Variants in N4BP1 observed in about 807,000 individuals in gnomAD.
The protein encoded by N4BP1 is NEDD4 binding protein 1, also known as NEDD4-binding protein 1.
Under a neutral mutation model 70.9 loss-of-function variants are expected in N4BP1, and 21 were observed. That is an observed-to-expected ratio of 0.30 (90% CI 0.21 to 0.43). The LOEUF (loss-of-function observed/expected upper bound fraction) is 0.43, where lower values mean the gene tolerates loss of function less well. Ranked by LOEUF, N4BP1 falls within the 20% of genes least tolerant of loss-of-function variation. The pLI, the probability that N4BP1 is intolerant of heterozygous loss-of-function variation, is 1.00. For synonymous variants in N4BP1, 387 were observed against 394.6 expected (o/e 0.98, Z 0.23); for missense variants, 936 against 1,069.4 (o/e 0.88, Z 1.74).
rs557515338 is a variant in N4BP1, at chr16:48,585,238, AT to A, written c.199-22795del. Among the ~76,000 whole-genome samples the A allele has an allele frequency of 3.6e-4, 54 of 149,222 alleles. No homozygotes were observed. In the South Asian group the frequency reaches 7.2e-3, roughly 20 times the overall value. On this transcript the variant is annotated intron_variant, in intron 1 of 6. Transcript: ENST00000262384. ...GTGAGTCACGTCACTCGGCCTACAC[AT>A]TTTTTTTTTAAATGTTTTTCTCACA...
In N4BP1 at chr16:48,562,451, A is replaced by G. The variant is rs1963876367; in HGVS notation, c.199-7T>C. ...AGATTCCTTTAATATATTCCTGTAA[A>G]GAGAAAATAAGAAATTAGGTCAATT... On this transcript the variant is annotated splice_polypyrimidine_tract_variant and splice_region_variant and intron_variant, in intron 1 of 6. Transcript: ENST00000262384. 2.5e-6 allele frequency: 4 copies of G among 1,571,362 alleles called. No homozygotes were observed. Among genetic ancestry groups the G allele is most frequent in the Non-Finnish European group, 3.4e-6 (4 of 1,163,040 alleles).
chr16:48,571,617 A>G (rs909784165), intron 1 of N4BP1, among the ~76,000 whole-genome samples: 1 of 152,198 alleles, frequency 6.6e-6, no homozygotes, highest in African/African-American at 2.4e-5. Flanking sequence ...AGGAATCAGG[A>G]TGCTAAAAGA....
intron 4 of N4BP1, 133 bp from the exon 5 acceptor site, chr16:48,548,247 AG>A (rs1393438285): frequency 1.8e-5 from 11 of 621,058 alleles, no homozygotes. Context: ...GCCACAGAAA[AG>A]TTTAGCCCCT....
chr16:48,564,659 C>T (rs538534929), intron 1 of N4BP1, among the ~76,000 whole-genome samples: 4 of 152,218 alleles, frequency 2.6e-5, no homozygotes, highest in Middle Eastern at 6.8e-3. Flanking sequence ...TCTTCCCATA[C>T]ACATTTTAGA....
rs1278811199 is a variant in N4BP1 at position 48,561,359 on chromosome 16, C to G, written c.1284G>C (p.Lys428Asn). The change falls in exon 2 of 7, where the codon AAG becomes AAC. Residue 428 changes from lysine (K) to asparagine (N), a missense_variant. Around this residue, in one of 4 missense-constraint regions of N4BP1, gnomAD observed 515 missense variants for 491.7 expected, o/e 1.05. Transcript: ENST00000262384. ...TTTGCTGTGTGTGAGCCTGTGTTTT[C>G]TTTGGAGTGGAATCAGTTGTAAGCT... ...TNELTTDSTP[K>N]KTQAHTQQNM... 6.2e-7 allele frequency: 1 copy of G among 1,613,870 alleles called. No homozygotes were observed. Among genetic ancestry groups the G allele is most frequent in the Admixed American group, 1.7e-5 (1 of 59,992 alleles).
intron 1 of N4BP1, chr16:48,600,682 A>G (rs1288378624): frequency 3.1e-5 from 14 of 448,020 alleles, no homozygotes; most frequent in South Asian, 9.5e-5. Context: ...TTTTATGTAC[A>G]TTTGAAAATG....
chr16:48,608,302 C>A (rs995549218), intron 1 of N4BP1, among the ~76,000 whole-genome samples: 6 of 152,118 alleles, frequency 3.9e-5, no homozygotes, highest in African/African-American at 1.4e-4. Flanking sequence ...CGCGCCCGGC[C>A]TACAATGTTT....
intron 2 of N4BP1, among the ~76,000 whole-genome samples, chr16:48,556,601 A>G (rs1297083032): frequency 4.6e-5 from 7 of 152,208 alleles, no homozygotes; most frequent in Admixed American, 2.6e-4. Context: ...CTGCTTCCAT[A>G]TAATTGGTTA....
At chr16:48,602,006 C>T (rs906770795) in intron 1 of N4BP1, among the ~76,000 whole-genome samples, 5 of 152,134 alleles carry the variant, frequency 3.3e-5, no homozygotes, top group South Asian at 2.1e-4. Flanking sequence ...GCAGATCACT[C>T]GAGGTCAGGA....
intron 6 of N4BP1, among the ~76,000 whole-genome samples, chr16:48,545,855 G>A (rs1597089604): frequency 6.6e-6 from 1 of 151,926 alleles, no homozygotes; most frequent in East Asian, 1.9e-4. Context: ...GTAAGACCCT[G>A]TCTCTACTAA....
At chr16:48,575,840 A>G (rs754177200) in intron 1 of N4BP1, among the ~76,000 whole-genome samples, 4 of 152,174 alleles carry the variant, frequency 2.6e-5, no homozygotes, top group Non-Finnish European at 4.4e-5. Context: ...ACCAGCTACC[A>G]TGGGGGTAGG....
At chr16:48,548,150 G>A (rs1196552436) in intron 4 of N4BP1, 36 bp from the exon 5 acceptor site, 1 of 1,181,916 alleles carries the variant, frequency 8.5e-7, no homozygotes, top group East Asian at 2.3e-5. Flanking sequence ...ATCAGCAACA[G>A]GCATCCTTGG....
intron 1 of N4BP1, among the ~76,000 whole-genome samples, chr16:48,606,333 C>G (rs750769102): frequency 3.4e-4 from 52 of 152,312 alleles, no homozygotes; most frequent in South Asian, 8.3e-4. Flanking sequence ...CACTGTTGGT[C>G]TTCTGTTTCA....
intron 5 of N4BP1, 30 bp from the exon 6 acceptor site, chr16:48,546,284 G>T: frequency 2.7e-6 from 4 of 1,502,458 alleles, no homozygotes; most frequent in Non-Finnish European, 3.6e-6. Context: ...GAGGCTGAGA[G>T]ACAGGGTCCT....
At chr16:48,580,993 G>A (rs1030392080) in intron 1 of N4BP1, among the ~76,000 whole-genome samples, 2 of 152,040 alleles carry the variant, frequency 1.3e-5, no homozygotes, top group African/African-American at 4.8e-5. Flanking sequence ...TCATATCCGT[G>A]AGAGATCCTG....
intron 1 of N4BP1, among the ~76,000 whole-genome samples, chr16:48,592,006 T>C (rs555634298): frequency 5.3e-5 from 8 of 151,770 alleles, no homozygotes; most frequent in African/African-American, 1.9e-4. Context: ...CTAATAACAG[T>C]TACAGAGGGA....
chr16:48,602,361 T>C (rs1441871333), intron 1 of N4BP1, among the ~76,000 whole-genome samples: 4 of 152,234 alleles, frequency 2.6e-5, no homozygotes, highest in African/African-American at 9.6e-5. Context: ...TAATCTTCTA[T>C]GATTATATCA....
At chr16:48,580,391 A>G (rs1320461274) in intron 1 of N4BP1, among the ~76,000 whole-genome samples, 2 of 152,176 alleles carry the variant, frequency 1.3e-5, no homozygotes, top group Non-Finnish European at 2.9e-5. Flanking sequence ...AGGAATAGAA[A>G]ACCTGAAGAG....
At chr16:48,576,650 A>T (rs1178278979) in intron 1 of N4BP1, among the ~76,000 whole-genome samples, 1 of 152,212 alleles carries the variant, frequency 6.6e-6, no homozygotes, top group Non-Finnish European at 1.5e-5. Flanking sequence ...CCCAGAAGTC[A>T]GTATGTGTGA....
Sources: allele counts gnomAD v4.1 joint callset (sites outside exome capture counted in the v4.1 genomes callset), GRCh38; gene constraint gnomAD v4.1.1; regional missense constraint gnomAD v4.1.1; transcripts MANE v1.5; gene names NCBI Gene and HGNC (gene_info 2026-07-23, HGNC 2026-07-21).